Variants in PDSS1 observed in about 807,000 individuals in gnomAD.
PDSS1 encodes decaprenyl diphosphate synthase subunit 1, also known as all trans-polyprenyl-diphosphate synthase PDSS1.
A neutral mutation model predicts 57.5 loss-of-function variants in PDSS1; 43 were observed. That is an observed-to-expected ratio of 0.75 (90% CI 0.59 to 0.96). PDSS1 has a LOEUF of 0.96. Among genes scored for constraint, PDSS1 ranks in the 50% least tolerant of loss-of-function variants. The pLI is 0.00. For synonymous variants in PDSS1, 175 were observed against 191.3 expected (o/e 0.91, Z 0.70); for missense variants, 438 against 527.8 (o/e 0.83, Z 1.67).
In PDSS1 at chr10:26,712,001, CTT is replaced by C. The variant is rs543847648; in HGVS notation, c.467+2250_467+2251del. Among the ~76,000 whole-genome samples, 12 of 61,910 alleles carry C rather than the reference CTT, an allele frequency of 1.9e-4. 1 individual carries two copies. The highest frequency in any genetic ancestry group is 1.8e-3 in the East Asian group (3 of 1,702). The allele number at this position is 61,910 out of a possible 152,430, so 40.6% of individuals were successfully genotyped here. On this transcript the variant is annotated intron_variant, in intron 5 of 11. Coordinates refer to ENST00000376215, the MANE Select transcript of PDSS1 (RefSeq NM_014317.5). The stretch of plus-strand genomic sequence containing the variant: ...ATTGGAAGTTTTTCTTTTTCTTTTT[CTT>C]TTTTTTTTTTTTTTTTGAGATGGAG...
intron 5 of PDSS1, among the ~76,000 whole-genome samples, chr10:26,719,645 G>A (rs1028616575): frequency 2.6e-5 from 4 of 152,134 alleles, no homozygotes; most frequent in Non-Finnish European, 5.9e-5. Flanking sequence ...GTGTATGCCT[G>A]TAGTCCCAGC....
chr10:26,717,382 C>G (rs535660979), intron 5 of PDSS1, among the ~76,000 whole-genome samples: 1 of 152,310 alleles, frequency 6.6e-6, no homozygotes, highest in East Asian at 1.9e-4. Context: ...CAGGCACCCA[C>G]TACCATGCCT....
chr10:26,724,213 T>C (rs1293184496), intron 8 of PDSS1, 90 bp downstream of exon 8: 1 of 900,824 alleles, frequency 1.1e-6, no homozygotes, highest in Non-Finnish European at 1.8e-6. Flanking sequence ...TGAAGAATCT[T>C]AAAATAGTAC....
chr10:26,704,867 C>A, intron 3 of PDSS1, 126 bp downstream of exon 3: 1 of 666,186 alleles, frequency 1.5e-6, no homozygotes, highest in Non-Finnish European at 2.7e-6. Flanking sequence ...GAACTGCTGG[C>A]CTCAAGCTAT....
chr10:26,724,702 C>G (rs921645292), intron 8 of PDSS1, among the ~76,000 whole-genome samples: 1 of 152,070 alleles, frequency 6.6e-6, no homozygotes, highest in Non-Finnish European at 1.5e-5. Context: ...CTCAGCTTCC[C>G]TAGTAGCTGG....
At chr10:26,736,999 G>A (rs776717615) in intron 10 of PDSS1, among the ~76,000 whole-genome samples, 4 of 152,280 alleles carry the variant, frequency 2.6e-5, no homozygotes, top group South Asian at 2.1e-4. Context: ...ATATAACTGC[G>A]AACATTACTT....
chr10:26,729,083 T>G (rs1836075052), intron 8 of PDSS1, among the ~76,000 whole-genome samples: 1 of 152,130 alleles, frequency 6.6e-6, no homozygotes, highest in Non-Finnish European at 1.5e-5. Flanking sequence ...CCCAGCCATC[T>G]TATTTTATTC....
chr10:26,741,011 C>T (rs1397427076), intron 10 of PDSS1, among the ~76,000 whole-genome samples: 3 of 151,964 alleles, frequency 2.0e-5, no homozygotes, highest in East Asian at 1.9e-4. Flanking sequence ...TTTTTTATAA[C>T]CTACTCTAGT....
chr10:26,744,871 A>G (rs1215185034), intron 11 of PDSS1, among the ~76,000 whole-genome samples: 2 of 152,108 alleles, frequency 1.3e-5, no homozygotes, highest in African/African-American at 2.4e-5. Context: ...CCATTTCTAA[A>G]TGTCAGAGGG....
chr10:26,717,131 A>G (rs1345779139), intron 5 of PDSS1, among the ~76,000 whole-genome samples: 1 of 152,252 alleles, frequency 6.6e-6, no homozygotes, highest in Non-Finnish European at 1.5e-5. Flanking sequence ...TATGATGTAT[A>G]TTCTACGTAG....
At position 26,711,037 on chromosome 10, in the gene PDSS1, CAG is replaced by C. The variant is rs1835396061; in HGVS notation, c.467+1272_467+1273del. Among the ~76,000 whole-genome samples, 2 of 98,334 alleles carry C rather than the reference CAG, an allele frequency of 2.0e-5. 1 individual carries two copies. The highest frequency in any genetic ancestry group is 5.4e-4 in the South Asian group (2 of 3,690). 64.5% of individuals were successfully genotyped at this position (98,334 alleles called of 152,430 possible). On this transcript the variant is annotated intron_variant, in intron 5 of 11. Transcript: ENST00000376215. The stretch of plus-strand genomic sequence containing the variant: ...ACCATACCTGATACAGCAGCTGGGG[CAG>C]AGTCATGCACTGACGGGGGATCTGG...
chr10:26,722,147 C>T (rs574036062), intron 6 of PDSS1, among the ~76,000 whole-genome samples: 91 of 152,194 alleles, frequency 6.0e-4, no homozygotes, highest in Middle Eastern at 3.4e-3. Context: ...CAAAGGATCC[C>T]GAGCCTTGAG....
In PDSS1 at chr10:26,746,655, A is replaced by G. The variant is rs546969737; in HGVS notation, c.*182A>G. The stretch of plus-strand genomic sequence containing the variant: ...TTTTTTCAGAAAACTTTTTAAATGT[A>G]ATTAATAAACCACCTGAATCTGTCA... On this transcript the variant is annotated 3_prime_UTR_variant, in exon 12 of 12. Coordinates refer to ENST00000376215, the MANE Select transcript of PDSS1 (RefSeq NM_014317.5). 1.6e-6 allele frequency: 1 copy of G among 615,226 alleles called. No individual in the cohort carries two copies. The highest frequency in any genetic ancestry group is 2.9e-6 in the Non-Finnish European group (1 of 350,012). The allele number at this position is 615,226 out of a possible 1,614,324, so 38.1% of individuals were successfully genotyped here.
At chr10:26,741,371 C>T (rs1458324743) in intron 10 of PDSS1, among the ~76,000 whole-genome samples, 1 of 152,108 alleles carries the variant, frequency 6.6e-6, no homozygotes, top group East Asian at 1.9e-4. Flanking sequence ...GTAGTCCCAG[C>T]TACTCAGGAG....
At chr10:26,730,983 C>T (rs566156618) in intron 8 of PDSS1, among the ~76,000 whole-genome samples, 52 of 151,696 alleles carry the variant, frequency 3.4e-4, no homozygotes, top group African/African-American at 1.1e-3. Flanking sequence ...CTGAGGCGGC[C>T]GAATCACGAG....
At chr10:26,734,715 C>T (rs887144087) in intron 8 of PDSS1, 1 of 456,108 alleles carries the variant, frequency 2.2e-6, no homozygotes, top group East Asian at 6.9e-5. Context: ...TAACTGCATT[C>T]AGAAACAGGT....
At chr10:26,734,290 T>C (rs1191001666) in intron 8 of PDSS1, among the ~76,000 whole-genome samples, 1 of 152,206 alleles carries the variant, frequency 6.6e-6, no homozygotes, top group Non-Finnish European at 1.5e-5. Flanking sequence ...TTTCCTAGCA[T>C]CCGCGAGCCT....
In PDSS1 at chr10:26,730,505, A is replaced by T. The variant is rs1836149303; in HGVS notation, c.832-4735A>T. On this transcript the variant is annotated intron_variant, in intron 8 of 11. Transcript: ENST00000376215. Reference sequence around the variant, plus strand: ...ACACCTGAAGTCCCAGCTACCTGGGAGGCTGAGGTGGGAGGATCACCTGAG... The same window carrying T: ...ACACCTGAAGTCCCAGCTACCTGGGTGGCTGAGGTGGGAGGATCACCTGAG... 2.0e-5 allele frequency among the ~76,000 whole-genome samples: 3 copies of T among 151,940 alleles called. No homozygotes were observed. The South Asian group carries it at 6.2e-4, about 32-fold the overall frequency.
intron 2 of PDSS1, among the ~76,000 whole-genome samples, chr10:26,703,265 T>A (rs957732564): frequency 1.3e-5 from 2 of 152,212 alleles, no homozygotes; most frequent in African/African-American, 4.8e-5. Context: ...CTGTGTAATT[T>A]TAATCCTTCA....
Sources: gnomAD v4.1 joint callset for allele counts (sites outside exome capture counted in the v4.1 genomes callset) on GRCh38, gnomAD v4.1.1 for gene constraint, MANE v1.5 for transcripts, NCBI Gene and HGNC (gene_info 2026-07-23, HGNC 2026-07-21) for gene names.